Variants in TDRD1 observed in about 807,000 individuals in gnomAD.
TDRD1 encodes the protein tudor domain-containing protein 1.
Under a neutral mutation model 140.6 loss-of-function variants are expected in TDRD1, and 37 were observed. The ratio of observed to expected loss-of-function variants is 0.26; its 90% CI spans 0.20 to 0.35. The LOEUF (loss-of-function observed/expected upper bound fraction) is 0.35. Ranked by LOEUF, TDRD1 falls within the 10% of genes least tolerant of loss-of-function variation. The pLI, the probability that TDRD1 is intolerant of heterozygous loss-of-function variation, is 1.00. For synonymous variants in TDRD1, 506 were observed against 475.7 expected (o/e 1.06, Z -0.83); for missense variants, 1,243 against 1,393.0 (o/e 0.89, Z 1.71).
At chr10:114,188,014 A>T in exon 2 of TDRD1, 1 of 1,614,210 alleles carries the variant, frequency 6.2e-7, no homozygotes, top group Non-Finnish European at 8.5e-7. Context: ...CAGAGAATGG[A>T]AATAAAAAGA....
At chr10:114,204,142 T>C in exon 9 of TDRD1, 8 of 1,603,092 alleles carry the variant, frequency 5.0e-6, no homozygotes, top group Non-Finnish European at 5.9e-6. Context: ...ATATATTGAT[T>C]ATGGAAATGA....
At position 114,220,850 on chromosome 10, in the gene TDRD1, T is replaced by G; in HGVS notation, c.2770+7T>G. ...CATGTACAGGGACTTCAAGGTAACA[T>G]TTTAAAACCATTTATTTGTTTAAAT... On this transcript the variant is annotated splice_region_variant and intron_variant, in intron 19 of 25. Coordinates refer to ENST00000251864, the Ensembl canonical transcript of TDRD1. 6.3e-7 allele frequency: 1 copy of G among 1,586,414 alleles called. No homozygotes were observed.
In TDRD1 at chr10:114,226,092, C is replaced by T. The variant is rs1355291503; in HGVS notation, c.3051C>T (p.Asp1017=). Residue 1017 remains aspartate, a synonymous_variant, in exon 22 of 26, where the codon GAC becomes GAT. Coordinates refer to ENST00000251864, the Ensembl canonical transcript of TDRD1. The stretch of plus-strand genomic sequence containing the variant: ...GTGCAGTTGTTCTGGGGACATCAGA[C>T]ACTGATGTGGAAGTGCTCTATGCAG... 8 of 1,612,770 alleles carry T rather than the reference C, an allele frequency of 5.0e-6. No individual in the cohort carries two copies. In the African/African-American group the frequency reaches 1.1e-4, roughly 22 times the overall value.
At chr10:114,203,282 A>C in intron 7 of TDRD1, 106 bp downstream of exon 7, 3 of 1,499,970 alleles carry the variant, frequency 2.0e-6, no homozygotes, top group South Asian at 1.3e-5. Context: ...TAAACATTGC[A>C]AAAACTGCCT....
chr10:114,211,062 C>A, intron 13 of TDRD1, 95 bp downstream of exon 13: 1 of 930,452 alleles, frequency 1.1e-6, no homozygotes, highest in Admixed American at 2.7e-5. Flanking sequence ...CTTTGGTTTG[C>A]ACTGATGGCT....
At chr10:114,228,406 A>C in intron 25 of TDRD1, 5 of 1,147,246 alleles carry the variant, frequency 4.4e-6, no homozygotes, top group Non-Finnish European at 5.4e-6. Context: ...TATGTTATTG[A>C]TATGTGGAGG....
chr10:114,219,349 ACTTAACAGTG>A (rs139255423), intron 18 of TDRD1, among the ~76,000 whole-genome samples: 1,599 of 152,278 alleles, frequency 0.011, 18 homozygotes, highest in African/African-American at 0.037. Flanking sequence ...AATATAAAGC[ACTTAACAGTG>A]CTTGGCATTA....
chr10:114,204,061 T>C lies in TDRD1; in HGVS notation c.982-12T>C. The C allele has an allele frequency of 6.3e-7, 1 of 1,596,524 alleles. No homozygotes were observed. The highest frequency in any genetic ancestry group is 1.1e-5 in the South Asian group (1 of 87,190). On this transcript the variant is annotated splice_polypyrimidine_tract_variant and intron_variant, in intron 8 of 25. Coordinates refer to ENST00000251864, the Ensembl canonical transcript of TDRD1. ...TGTTATGAAGCAGAGTACCATTATA[T>C]TTCACTTTCAGACCTGGAACAGAGC...
At chr10:114,191,422 T>G (rs1159507745) in intron 3 of TDRD1, among the ~76,000 whole-genome samples, 2 of 152,222 alleles carry the variant, frequency 1.3e-5, no homozygotes, top group African/African-American at 2.4e-5. Context: ...GCCACTGATA[T>G]GCATATTTCG....
At chr10:114,210,997 A>T (rs2133062641) in intron 13 of TDRD1, 30 bp downstream of exon 13, 4 of 1,474,152 alleles carry the variant, frequency 2.7e-6, no homozygotes, top group African/African-American at 1.4e-5. Context: ...GATTTTTAAA[A>T]TTTATTTTTA....
intron 5 of TDRD1, 94 bp downstream of exon 5, chr10:114,201,609 G>T (rs369780735): frequency 1.0e-6 from 1 of 980,692 alleles, no homozygotes; most frequent in Admixed American, 2.4e-5. Flanking sequence ...CAACCAAGTA[G>T]AAGTTACTTT....
intron 21 of TDRD1, among the ~76,000 whole-genome samples, chr10:114,224,114 G>C (rs1564695952): frequency 6.6e-6 from 1 of 152,130 alleles, no homozygotes; most frequent in Admixed American, 6.6e-5. Flanking sequence ...GCTGAGAAAA[G>C]GTGCATGTAA....
chr10:114,206,135 A>C, intron 10 of TDRD1, 109 bp from the exon 11 acceptor site: 3 of 770,708 alleles, frequency 3.9e-6, no homozygotes, highest in South Asian at 1.8e-5. Context: ...CCAACCTATT[A>C]ATAGCTATGA....
At chr10:114,177,639 C>T (rs1165826353), upstream of TDRD1, among the ~76,000 whole-genome samples, 1 of 152,076 alleles carries the variant, frequency 6.6e-6, no homozygotes, top group Non-Finnish European at 1.5e-5. Flanking sequence ...TGAGATCTTG[C>T]ATCAGAAAAG....
At chr10:114,229,921 C>G (rs983934285) in intron 25 of TDRD1, among the ~76,000 whole-genome samples, 3 of 151,778 alleles carry the variant, frequency 2.0e-5, no homozygotes, top group South Asian at 2.1e-4. Flanking sequence ...ACCTCCGCCT[C>G]CCGGGTTCAT....
At chr10:114,222,600 G>A (rs767801694) in exon 21 of TDRD1, 6 of 1,607,454 alleles carry the variant, frequency 3.7e-6, no homozygotes, top group Non-Finnish European at 5.1e-6. Flanking sequence ...ATCAGGAAAA[G>A]CTGTGCATGT....
In TDRD1 at chr10:114,220,888, G is replaced by C. The variant is rs1554850266; in HGVS notation, c.2770+45G>C. 3.5e-6 allele frequency: 5 copies of C among 1,437,404 alleles called. No individual in the cohort carries two copies. In the Admixed American group the frequency reaches 5.6e-5, roughly 16 times the overall value. The allele number at this position is 1,437,404 out of a possible 1,614,324, so 89.0% of individuals were successfully genotyped here. On this transcript the variant is annotated intron_variant, in intron 19 of 25. Transcript: ENST00000251864. ...TATTTGTTTAAATTTGTTATTCTTT[G>C]CTCTCAGAGACTATGAAAAATTTTC...
At chr10:114,177,642 C>T (rs959668865), upstream of TDRD1, among the ~76,000 whole-genome samples, 1 of 152,136 alleles carries the variant, frequency 6.6e-6, no homozygotes, top group Non-Finnish European at 1.5e-5. Context: ...GATCTTGCAT[C>T]AGAAAAGGGA....
chr10:114,207,634 C>T (rs1469490219), intron 11 of TDRD1, among the ~76,000 whole-genome samples: 3 of 151,926 alleles, frequency 2.0e-5, no homozygotes, highest in Admixed American at 6.6e-5. Context: ...ACCGTAGGTT[C>T]TGGTGCAATA....
Sources: allele counts gnomAD v4.1 joint callset (sites outside exome capture counted in the v4.1 genomes callset), GRCh38; gene constraint gnomAD v4.1.1; transcripts MANE v1.5; gene names NCBI Gene and HGNC (gene_info 2026-07-23, HGNC 2026-07-21).